Variants in SPAG16 observed in about 807,000 individuals in gnomAD.
SPAG16 encodes the protein sperm associated antigen 16, also known as sperm-associated antigen 16 protein.
In SPAG16, 86 loss-of-function variants were observed where a neutral mutation model predicts 80.4. The observed-to-expected ratio is 1.07, with a 90% CI of 0.90 to 1.28. SPAG16 has a LOEUF of 1.28. SPAG16 is among the 50% of genes most tolerant of loss of function. The probability of loss-of-function intolerance (pLI) is 0.00; values close to 1 mark genes in which losing one functional copy is unlikely to be tolerated. For synonymous variants in SPAG16, 294 were observed against 265.9 expected (o/e 1.11, Z -1.03); for missense variants, 870 against 765.3 (o/e 1.14, Z -1.61).
At chr2:213,679,382 C>G (rs1313878818) in intron 10 of SPAG16, among the ~76,000 whole-genome samples, 1 of 152,106 alleles carries the variant, frequency 6.6e-6, no homozygotes, top group Non-Finnish European at 1.5e-5. Flanking sequence ...GCTCCTTTCC[C>G]ATAATTCTGG....
At chr2:213,486,496 A>G (rs2073980432) in intron 9 of SPAG16, among the ~76,000 whole-genome samples, 1 of 152,176 alleles carries the variant, frequency 6.6e-6, no homozygotes, top group Non-Finnish European at 1.5e-5. Context: ...TTATTCGGCC[A>G]TAAAAAAGAA....
At chr2:214,021,674 G>C (rs2047874204) in intron 13 of SPAG16, among the ~76,000 whole-genome samples, 1 of 152,120 alleles carries the variant, frequency 6.6e-6, no homozygotes, top group Non-Finnish European at 1.5e-5. Context: ...CAAAGTGCTT[G>C]AAAGTGCAAT....
chr2:214,356,576 CA>C (rs35173979), intron 15 of SPAG16, among the ~76,000 whole-genome samples: 72,975 of 151,658 alleles, frequency 0.48, 21,594 homozygotes, highest in South Asian at 0.67. Context: ...AGCCCCACCC[CA>C]ACCATATTTC....
At chr2:214,122,394 A>G (rs2054264511) in intron 14 of SPAG16, among the ~76,000 whole-genome samples, 1 of 151,868 alleles carries the variant, frequency 6.6e-6, no homozygotes, top group Non-Finnish European at 1.5e-5. Flanking sequence ...AAGTAGACAT[A>G]AATGCATCAA....
intron 15 of SPAG16, among the ~76,000 whole-genome samples, chr2:214,150,403 C>CA (rs1343156686): frequency 2.2e-4 from 34 of 151,920 alleles, no homozygotes; most frequent in African/African-American, 7.7e-4. Flanking sequence ...CTTGTTAAGA[C>CA]ATTTATGGTC....
intron 12 of SPAG16, among the ~76,000 whole-genome samples, chr2:213,973,421 A>T (rs948505899): frequency 6.6e-6 from 1 of 152,012 alleles, no homozygotes; most frequent in Non-Finnish European, 1.5e-5. Context: ...AAACAAGAAC[A>T]TTATGTCAGC....
chr2:214,384,593 C>T (rs1700643740), intron 15 of SPAG16, among the ~76,000 whole-genome samples: 1 of 152,206 alleles, frequency 6.6e-6, no homozygotes. Flanking sequence ...GAATTTCAAG[C>T]ATCTTGGATG....
intron 13 of SPAG16, among the ~76,000 whole-genome samples, chr2:214,035,508 CAG>C (rs1377595278): frequency 6.6e-6 from 1 of 152,354 alleles, no homozygotes; most frequent in East Asian, 1.9e-4. Context: ...GCTGAGGCAA[CAG>C]GGGACTGGCA....
intron 13 of SPAG16, among the ~76,000 whole-genome samples, chr2:214,089,739 G>T (rs1359098067): frequency 6.6e-6 from 1 of 151,920 alleles, no homozygotes; most frequent in African/African-American, 2.4e-5. Context: ...CCCAAAGTTT[G>T]CCATTCTCTG....
intron 13 of SPAG16, among the ~76,000 whole-genome samples, chr2:214,028,342 T>C (rs185663827): frequency 5.0e-4 from 76 of 152,176 alleles, no homozygotes; most frequent in Middle Eastern, 6.8e-3. Flanking sequence ...GCCACAGAAC[T>C]CAGGATCACT....
chr2:214,287,516 A>C (rs1304752477), intron 15 of SPAG16, among the ~76,000 whole-genome samples: 3 of 152,226 alleles, frequency 2.0e-5, no homozygotes, highest in Non-Finnish European at 4.4e-5. Flanking sequence ...ATGCAGCTTG[A>C]TCAGACCATA....
At chr2:213,335,972 T>C (rs1262239596) in intron 5 of SPAG16, among the ~76,000 whole-genome samples, 1 of 149,066 alleles carries the variant, frequency 6.7e-6, no homozygotes, top group African/African-American at 2.5e-5. Context: ...AAACAGCCAG[T>C]GAATTCTGAA....
intron 14 of SPAG16, among the ~76,000 whole-genome samples, chr2:214,122,334 G>A (rs2054261601): frequency 6.6e-6 from 1 of 151,776 alleles, no homozygotes; most frequent in Admixed American, 6.6e-5. Flanking sequence ...GCAGTTAAAT[G>A]TTTTAAATTT....
intron 10 of SPAG16, among the ~76,000 whole-genome samples, chr2:213,796,473 A>G (rs565801810): frequency 6.6e-6 from 1 of 152,236 alleles, no homozygotes; most frequent in Admixed American, 6.5e-5. Flanking sequence ...TCAGTACTTC[A>G]TTTCTTTTTA....
At chr2:213,729,127 G>A (rs1251935603) in intron 10 of SPAG16, among the ~76,000 whole-genome samples, 1 of 152,132 alleles carries the variant, frequency 6.6e-6, no homozygotes, top group African/African-American at 2.4e-5. Flanking sequence ...TATTAGGCTT[G>A]AGGATCTTTG....
At chr2:213,674,783 A>C (rs913157627) in intron 10 of SPAG16, among the ~76,000 whole-genome samples, 2 of 147,014 alleles carry the variant, frequency 1.4e-5, no homozygotes, top group Non-Finnish European at 3.0e-5. Context: ...CCAGTCTATC[A>C]TTGTTGGACA....
chr2:214,012,296 T>A (rs1177242954), intron 12 of SPAG16, among the ~76,000 whole-genome samples: 8 of 96,896 alleles, frequency 8.3e-5, no homozygotes, highest in South Asian at 4.3e-4. Flanking sequence ...ATATTTTTTT[T>A]TTTTTTTTTT....
intron 15 of SPAG16, among the ~76,000 whole-genome samples, chr2:214,233,939 C>T (rs1688888403): frequency 6.6e-6 from 1 of 151,968 alleles, no homozygotes; most frequent in East Asian, 1.9e-4. Context: ...AGGTTTGTTA[C>T]ATAGGTAAAC....
At chr2:213,885,613 T>C (rs1346329) in intron 11 of SPAG16, among the ~76,000 whole-genome samples, 52,161 of 152,050 alleles carry the variant, frequency 0.34, 9,437 homozygotes, top group South Asian at 0.47. Flanking sequence ...CATTCCATCT[T>C]AAGGCAATGT....
Sources: allele counts gnomAD v4.1 joint callset (sites outside exome capture counted in the v4.1 genomes callset), GRCh38; gene constraint gnomAD v4.1.1; transcripts MANE v1.5; gene names NCBI Gene and HGNC (gene_info 2026-07-23, HGNC 2026-07-21).